ZBTB4: variants seen among roughly 807,000 people sequenced by gnomAD.
ZBTB4 encodes the protein zinc finger and BTB domain containing 4.
In ZBTB4, 14 loss-of-function variants were observed where a neutral mutation model predicts 59.8. The observed-to-expected ratio is 0.23, with a 90% CI of 0.15 to 0.37. ZBTB4 has a LOEUF of 0.37. Ranked by LOEUF, ZBTB4 falls within the 10% of genes least tolerant of loss-of-function variation. The pLI is 1.00. For synonymous variants in ZBTB4, 587 were observed against 575.2 expected (o/e 1.02, Z -0.29); for missense variants, 1,198 against 1,380.8 (o/e 0.87, Z 2.10).
At chr17:7,478,340 CCT>C (rs2070297672) in intron 1 of ZBTB4, among the ~76,000 whole-genome samples, 1 of 152,138 alleles carries the variant, frequency 6.6e-6, no homozygotes, top group African/African-American at 2.4e-5. Context: ...CCCACAGGCC[CCT>C]GAGACATACC....
intron 1 of ZBTB4, among the ~76,000 whole-genome samples, chr17:7,478,918 T>C (rs1227491645): frequency 6.6e-6 from 1 of 151,922 alleles, no homozygotes; most frequent in Non-Finnish European, 1.5e-5. Context: ...AGACACACGA[T>C]CTCCAAGACT....
intron 1 of ZBTB4, among the ~76,000 whole-genome samples, chr17:7,471,190 T>TTA (rs1567689235): frequency 2.6e-5 from 4 of 151,046 alleles, no homozygotes; most frequent in African/African-American, 9.7e-5. Context: ...ATGAAAAAAA[T>TTA]TTTTTTTTTT....
chr17:7,473,373 C>A (rs1050756007), intron 1 of ZBTB4, among the ~76,000 whole-genome samples: 4 of 151,986 alleles, frequency 2.6e-5, no homozygotes, highest in Admixed American at 1.3e-4. Flanking sequence ...CTTCGGCATC[C>A]CAAAGTGCAG....
chr17:7,477,779 T>C (rs1461952647), intron 1 of ZBTB4, among the ~76,000 whole-genome samples: 1 of 152,104 alleles, frequency 6.6e-6, no homozygotes, highest in East Asian at 1.9e-4. Flanking sequence ...CTTTTTTCCA[T>C]TTTAGTGACA....
chr17:7,469,664 C>T (rs1387229137), intron 1 of ZBTB4, among the ~76,000 whole-genome samples: 1 of 151,746 alleles, frequency 6.6e-6, no homozygotes, highest in Non-Finnish European at 1.5e-5. Context: ...ACTTGGGAGG[C>T]TGAGGTAGGA....
chr17:7,483,408 A>C, upstream of ZBTB4: 2 of 280,384 alleles, frequency 7.1e-6, no homozygotes, highest in South Asian at 7.9e-5. Context: ...CCCTCCCCTC[A>C]CGGCAAAGGT....
Position 7,466,232 on chromosome 17 carries a change from T to C in ZBTB4, c.570A>G (p.Pro190=), listed in dbSNP as rs1597769703. ...CAGGCTGCGAGGTGGCCATGGGGGCTGGGGTAGGAGGTACCCAGGCATCAC... is the reference window on the plus strand; with the variant it reads ...CAGGCTGCGAGGTGGCCATGGGGGCCGGGGTAGGAGGTACCCAGGCATCAC... ...EGGDAWVPPT[P]APMATSQPEE... Residue 190 remains proline, a synonymous_variant, in exon 3 of 4, where the codon CCA becomes CCG. Coordinates refer to ENST00000380599, the MANE Select transcript of ZBTB4 (RefSeq NM_001128833.2). The surrounding 1 kb of genome is among the most constrained non-coding windows in gnomAD (Gnocchi z 9.1). 1 of 1,613,512 alleles carries C rather than the reference T, an allele frequency of 6.2e-7. No homozygotes were observed. Among genetic ancestry groups the C allele is most frequent in the Non-Finnish European group, 8.5e-7 (1 of 1,179,908 alleles).
chr17:7,466,282 G>A lies in ZBTB4; in HGVS notation c.520C>T (p.Arg174Cys). 8.1e-6 allele frequency: 13 copies of A among 1,613,374 alleles called. No individual in the cohort carries two copies. The highest frequency in any genetic ancestry group is 1.1e-5 in the Non-Finnish European group (13 of 1,179,538). The stretch of plus-strand genomic sequence containing the variant: ...CCTCCCTCCCCCAGGCCCTGAAGGC[G>A]GGAGATGCCCAGACGGCGCCCCAAA... ...GALGRRLGIS[R>C]LQGLGEGGDA... The change falls in exon 3 of 4, where the codon CGC (arginine) becomes TGC (cysteine). Residue 174 changes from arginine (R) to cysteine (C), a missense_variant. Physicochemically the swap from Arg to Cys is radical, Grantham distance 180. Transcript: ENST00000380599. The surrounding 1 kb of genome is among the most constrained non-coding windows in gnomAD (Gnocchi z 9.1).
upstream of ZBTB4, chr17:7,482,624 C>A: frequency 6.2e-7 from 1 of 1,612,086 alleles, no homozygotes; most frequent in East Asian, 2.2e-5. Flanking sequence ...TCGTTCTCTG[C>A]ACTTTCCCTC....
chr17:7,463,193 C>T lies in ZBTB4; in HGVS notation c.1789G>A (p.Ala597Thr). The T allele has an allele frequency of 6.2e-7, 1 of 1,608,148 alleles. No homozygotes were observed. Among genetic ancestry groups the T allele is most frequent in the East Asian group, 2.2e-5 (1 of 44,806 alleles). Residue 597 changes from alanine to threonine, a missense_variant, in exon 4 of 4, where the codon GCT becomes ACT. Around this residue, in one of 9 missense-constraint regions of ZBTB4, gnomAD observed 550 missense variants for 541.8 expected, o/e 1.02. Transcript: ENST00000380599. ...GTGATCTGACACAGTGGAGGTGGAGCCTGCAGCTGAGAGGGGCCCCGGCCA... is the reference window on the plus strand; with the variant it reads ...GTGATCTGACACAGTGGAGGTGGAGTCTGCAGCTGAGAGGGGCCCCGGCCA... ...GAGRGPSQLQ[A>T]PPPLCQITVR...
At position 7,465,746 on chromosome 17, in the gene ZBTB4, G is replaced by T; in HGVS notation, c.1056C>A (p.Arg352=). 1 of 1,613,202 alleles carries T rather than the reference G, an allele frequency of 6.2e-7. No individual in the cohort carries two copies. Among genetic ancestry groups the T allele is most frequent in the Non-Finnish European group, 8.5e-7 (1 of 1,179,342 alleles). Residue 352 remains arginine (R), a synonymous_variant, in exon 3 of 4, where the codon CGC becomes CGA. Transcript: ENST00000380599. ...CCGTGTGCCACACTTCATGCTTCGT[G>T]CGGTACTCCGCCAGAGCAAACACTT... The part of the protein sequence containing the change: ...CEKVFALAEY[R]TKHEVWHTGE...
chr17:7,472,971 G>A (rs1462319553), intron 1 of ZBTB4, among the ~76,000 whole-genome samples: 9 of 147,858 alleles, frequency 6.1e-5, no homozygotes, highest in Admixed American at 2.7e-4. Context: ...TTTTTGCGGC[G>A]GGGGACAGAG....
chr17:7,476,973 T>G (rs2070276960), intron 1 of ZBTB4, among the ~76,000 whole-genome samples: 1 of 152,184 alleles, frequency 6.6e-6, no homozygotes, highest in Non-Finnish European at 1.5e-5. Context: ...GCTTCACCTC[T>G]TACTAGCTAA....
At chr17:7,483,023 G>T, upstream of ZBTB4, 1 of 1,611,960 alleles carries the variant, frequency 6.2e-7, no homozygotes, top group Non-Finnish European at 8.5e-7. Context: ...GGAGCCCGGG[G>T]GTTGGGAGGG....
intron 1 of ZBTB4, among the ~76,000 whole-genome samples, chr17:7,477,955 A>G (rs949831768): frequency 2.6e-5 from 4 of 151,978 alleles, no homozygotes; most frequent in African/African-American, 4.8e-5. Context: ...CCATCTGACA[A>G]CACCCATGCC....
Position 7,467,285 on chromosome 17 carries a change from C to A in ZBTB4, c.-38G>T, listed in dbSNP as rs137928317. On this transcript the variant is annotated 5_prime_UTR_variant, in exon 2 of 4. Coordinates refer to ENST00000380599, the MANE Select transcript of ZBTB4 (RefSeq NM_001128833.2). ...AGAGCACAGCCAACATGGAGTGGGG[C>A]GGGGGGTGGCTCAGCGAGTCCCTTC... The A allele has an allele frequency of 1.0e-6, 1 of 984,382 alleles. No homozygotes were observed. The highest frequency in any genetic ancestry group is 1.2e-6 in the Non-Finnish European group (1 of 828,008). 61.0% of individuals were successfully genotyped at this position (984,382 alleles called of 1,614,324 possible).
chr17:7,471,197 T>G (rs546223249), intron 1 of ZBTB4, among the ~76,000 whole-genome samples: 132 of 152,226 alleles, frequency 8.7e-4, no homozygotes, highest in Non-Finnish European at 1.3e-4. Context: ...AAATTTTTTT[T>G]TTTTGAGACA....
chr17:7,474,056 A>G (rs1375924283), intron 1 of ZBTB4, among the ~76,000 whole-genome samples: 2 of 151,964 alleles, frequency 1.3e-5, no homozygotes, highest in African/African-American at 4.8e-5. Flanking sequence ...ACCTGGAACT[A>G]CAGGCATATG....
chr17:7,482,673 G>A, upstream of ZBTB4: 1 of 1,612,012 alleles, frequency 6.2e-7, no homozygotes, highest in Non-Finnish European at 8.5e-7. Context: ...GGCTTGGTGG[G>A]GCTGCTGGGC....
Sources: allele counts gnomAD v4.1 joint callset (sites outside exome capture counted in the v4.1 genomes callset), GRCh38; gene constraint gnomAD v4.1.1; regional missense constraint gnomAD v4.1.1; non-coding constraint Gnocchi (gnomAD v3.1); transcripts MANE v1.5; gene names NCBI Gene and HGNC (gene_info 2026-07-23, HGNC 2026-07-21).